The following SLC39A11 variants were observed in gnomAD, a reference collection of about 807,000 sequenced individuals.
The protein encoded by SLC39A11 is zinc transporter ZIP11.
SLC39A11 carries 33 observed loss-of-function variants against 36.1 expected under a neutral mutation model. The observed-to-expected ratio is 0.91, with a 90% confidence interval of 0.69 to 1.22. The LOEUF (loss-of-function observed/expected upper bound fraction) is 1.22. Ranked by LOEUF, SLC39A11 falls within the 50% of genes most tolerant of loss-of-function variation. The pLI is 0.00. For synonymous variants in SLC39A11, 166 were observed against 170.3 expected (o/e 0.97, Z 0.20); for missense variants, 432 against 430.3 (o/e 1.00, Z -0.03).
At chr17:72,849,421 TTAAAC>T (rs1266925855) in intron 6 of SLC39A11, among the ~76,000 whole-genome samples, 1 of 152,234 alleles carries the variant, frequency 6.6e-6, no homozygotes, top group African/African-American at 2.4e-5. Flanking sequence ...TAGAAGTTGT[TTAAAC>T]TAACCGGAAT....
chr17:72,909,166 G>A (rs753080105), intron 5 of SLC39A11, among the ~76,000 whole-genome samples: 16 of 152,168 alleles, frequency 1.1e-4, no homozygotes, highest in Admixed American at 2.0e-4. Flanking sequence ...GTAAAGTGGG[G>A]CAGTTATGGC....
chr17:72,703,574 G>A (rs2072748917), intron 7 of SLC39A11, among the ~76,000 whole-genome samples: 1 of 152,174 alleles, frequency 6.6e-6, no homozygotes, highest in Non-Finnish European at 1.5e-5. Flanking sequence ...ACAGAGTAAG[G>A]TTTCCTGCCC....
chr17:72,775,216 A>T (rs1384815557), intron 6 of SLC39A11, among the ~76,000 whole-genome samples: 1 of 152,132 alleles, frequency 6.6e-6, no homozygotes, highest in Admixed American at 6.5e-5. Context: ...TCCCAAGCCT[A>T]GAGCACCACT....
intron 4 of SLC39A11, among the ~76,000 whole-genome samples, chr17:72,978,835 T>C (rs2088070788): frequency 6.6e-6 from 1 of 152,214 alleles, no homozygotes; most frequent in African/African-American, 2.4e-5. Flanking sequence ...TCTGTTATCA[T>C]TGAACACTTA....
At chr17:72,883,587 T>G (rs1043208890) in intron 5 of SLC39A11, among the ~76,000 whole-genome samples, 1 of 152,156 alleles carries the variant, frequency 6.6e-6, no homozygotes, top group African/African-American at 2.4e-5. Flanking sequence ...GGATTGTGTC[T>G]GATTCAGGGT....
chr17:72,701,940 T>C (rs2072654743), intron 7 of SLC39A11, among the ~76,000 whole-genome samples: 1 of 152,160 alleles, frequency 6.6e-6, no homozygotes, highest in Non-Finnish European at 1.5e-5. Context: ...ACCCCATCTC[T>C]ATAGAATGTT....
chr17:72,884,264 G>A (rs1386995082), intron 5 of SLC39A11, among the ~76,000 whole-genome samples: 1 of 152,252 alleles, frequency 6.6e-6, no homozygotes, highest in Non-Finnish European at 1.5e-5. Context: ...CACTGTGGAT[G>A]GCCTCAGGCC....
At chr17:73,009,112 T>C (rs1472981102) in intron 4 of SLC39A11, among the ~76,000 whole-genome samples, 8 of 148,630 alleles carry the variant, frequency 5.4e-5, no homozygotes, top group East Asian at 2.0e-4. Flanking sequence ...GCCTGTAATT[T>C]CAGCACTTTG....
intron 6 of SLC39A11, among the ~76,000 whole-genome samples, chr17:72,780,522 G>GC (rs1555670198): frequency 1.5e-5 from 2 of 133,628 alleles, no homozygotes; most frequent in Admixed American, 1.5e-4. Context: ...CCTGAAGATG[G>GC]GGGGCGGGTG....
chr17:72,881,133 C>T (rs1287533600), intron 5 of SLC39A11, among the ~76,000 whole-genome samples: 2 of 151,914 alleles, frequency 1.3e-5, no homozygotes, highest in East Asian at 3.9e-4. Flanking sequence ...ATACACCTAC[C>T]ATACGGTCCA....
At chr17:72,920,759 T>C (rs1272337503) in intron 5 of SLC39A11, among the ~76,000 whole-genome samples, 1 of 115,074 alleles carries the variant, frequency 8.7e-6, no homozygotes, top group Non-Finnish European at 1.7e-5. Context: ...ACACGCATAC[T>C]TCCCACCCCC....
intron 6 of SLC39A11, among the ~76,000 whole-genome samples, chr17:72,769,894 T>C (rs1316810084): frequency 3.3e-5 from 5 of 152,176 alleles, no homozygotes; most frequent in African/African-American, 1.2e-4. Flanking sequence ...AAAATGCAAC[T>C]GTTTGTATCT....
At chr17:73,047,692 G>T (rs1193936686) in intron 3 of SLC39A11, among the ~76,000 whole-genome samples, 1 of 151,826 alleles carries the variant, frequency 6.6e-6, no homozygotes, top group Non-Finnish European at 1.5e-5. Flanking sequence ...AATAGGCTGG[G>T]CGAGGTAGCG....
At chr17:72,702,939 C>CAAAA (rs57566412) in intron 7 of SLC39A11, among the ~76,000 whole-genome samples, 1 of 86,830 alleles carries the variant, frequency 1.2e-5, no homozygotes, top group Admixed American at 1.7e-4. Flanking sequence ...TCCATCTCAC[C>CAAAA]AAAAAAAAAA....
chr17:72,770,776 G>A (rs960534596), intron 6 of SLC39A11, among the ~76,000 whole-genome samples: 5 of 152,174 alleles, frequency 3.3e-5, no homozygotes, highest in Admixed American at 6.5e-5. Context: ...CTATGCATTC[G>A]GAAGCACAGC....
intron 3 of SLC39A11, among the ~76,000 whole-genome samples, chr17:73,039,224 T>G (rs994085824): frequency 6.6e-6 from 1 of 151,950 alleles, no homozygotes; most frequent in Non-Finnish European, 1.5e-5. Flanking sequence ...ATGCAACGGG[T>G]CAGTGCTGTT....
chr17:72,795,003 C>A (rs2096373410), intron 6 of SLC39A11, among the ~76,000 whole-genome samples: 1 of 152,140 alleles, frequency 6.6e-6, no homozygotes, highest in Admixed American at 6.5e-5. Context: ...AAAGAAGATT[C>A]TATCCACAGT....
At chr17:72,823,129 C>T (rs2077867240) in intron 6 of SLC39A11, among the ~76,000 whole-genome samples, 2 of 151,032 alleles carry the variant, frequency 1.3e-5, no homozygotes, top group South Asian at 4.2e-4. Flanking sequence ...GTGCCTGCCC[C>T]AAGACAAAAT....
chr17:73,084,791 T>C lies in SLC39A11; in HGVS notation c.147+17A>G. On this transcript the variant is annotated intron_variant, in intron 3 of 9. Transcript: ENST00000255559. ...AGTATGCCTCAATTTCCATTTCTCC[T>C]ACTACATGCTACTTACCCCTGCAGC... The C allele has an allele frequency of 1.2e-6, 2 of 1,613,862 alleles. No individual in the cohort carries two copies. Among genetic ancestry groups the C allele is most frequent in the Admixed American group, 3.3e-5 (2 of 60,012 alleles).
Sources: gnomAD v4.1 joint callset for allele counts (sites outside exome capture counted in the v4.1 genomes callset) on GRCh38, gnomAD v4.1.1 for gene constraint, MANE v1.5 for transcripts, NCBI Gene and HGNC (gene_info 2026-07-23, HGNC 2026-07-21) for gene names.